SLC7A13: variants seen among roughly 807,000 people sequenced by gnomAD.
The protein encoded by SLC7A13 is solute carrier family 7 member 13.
A neutral mutation model predicts 32.0 loss-of-function variants in SLC7A13; 31 were observed. The observed-to-expected ratio is 0.97, with a 90% CI of 0.73 to 1.31. SLC7A13 has a LOEUF of 1.31. Ranked by LOEUF, SLC7A13 falls within the 50% of genes most tolerant of loss-of-function variation. SLC7A13 has a pLI of 0.00. For missense variants in SLC7A13, 633 were observed against 546.9 expected (o/e 1.16, Z -1.57); for synonymous variants, 232 against 206.9 (o/e 1.12, Z -1.04).
chr8:86,230,133 A>T lies in SLC7A13; in HGVS notation c.145T>A (p.Ser49Thr), dbSNP rs970214966. 6.2e-7 allele frequency: 1 copy of T among 1,614,190 alleles called. No individual in the cohort carries two copies. The highest frequency in any genetic ancestry group is 1.1e-5 in the South Asian group (1 of 91,078). Reference protein sequence around the residue: ...LAYSCMNVGVSLCVWAGCAIL... With the variant: ...LAYSCMNVGVTLCVWAGCAIL... ...GCACAGCCAGCCCAAACGCACAGGGAGACTCCCACGTTCATGCAAGAGTAT... is the reference window on the plus strand; with the variant it reads ...GCACAGCCAGCCCAAACGCACAGGGTGACTCCCACGTTCATGCAAGAGTAT... The change falls in exon 1 of 4, where the codon TCC becomes ACC. Residue 49 changes from serine to threonine, a missense_variant. Ser to Thr is a moderately conservative substitution (Grantham distance 58). Transcript: ENST00000297524.
chr8:86,230,016 A>G lies in SLC7A13; in HGVS notation c.262T>C (p.Phe88Leu), dbSNP rs1169006593. The G allele has an allele frequency of 3.1e-6, 5 of 1,614,192 alleles. No homozygotes were observed. Among genetic ancestry groups the G allele is most frequent in the Non-Finnish European group, 4.2e-6 (5 of 1,180,030 alleles). The change falls in exon 1 of 4, where the codon TTT becomes CTT. Residue 88 changes from phenylalanine to leucine, a missense_variant. Transcript: ENST00000297524. The stretch of plus-strand genomic sequence containing the variant: ...TTCAAAAAAGCAACCGTGGAGCCAA[A>G]GTATCTCTTGAGAAAATAGTATTGA... Reference protein sequence around the residue: ...GAQYYFLKRYFGSTVAFLNLW... With the variant: ...GAQYYFLKRYLGSTVAFLNLW...
intron 1 of SLC7A13, among the ~76,000 whole-genome samples, chr8:86,223,573 T>G (rs1820339937): frequency 6.6e-6 from 1 of 152,036 alleles, no homozygotes; most frequent in Non-Finnish European, 1.5e-5. Context: ...TAAACATGAG[T>G]GCAGATGTCC....
chr8:86,218,044 T>A (rs1041774133), intron 2 of SLC7A13, among the ~76,000 whole-genome samples: 7 of 152,190 alleles, frequency 4.6e-5, no homozygotes, highest in African/African-American at 1.2e-4. Flanking sequence ...TAAATGGTTA[T>A]CATTTTATAT....
intron 2 of SLC7A13, among the ~76,000 whole-genome samples, chr8:86,221,599 G>A (rs143041301): frequency 0.032 from 4,822 of 151,798 alleles, 280 homozygotes; most frequent in African/African-American, 0.11. Flanking sequence ...ATATCTCCCA[G>A]TGCTATCCCT....
chr8:86,225,499 C>T (rs1820375065), intron 1 of SLC7A13, among the ~76,000 whole-genome samples: 1 of 152,134 alleles, frequency 6.6e-6, no homozygotes, highest in African/African-American at 2.4e-5. Context: ...GTTCTTTCTT[C>T]TGAGCCTTTT....
Position 86,215,536 on chromosome 8 carries a change from G to A in SLC7A13, c.1180-890C>T, listed in dbSNP as rs186868530. 5.8e-4 allele frequency: 184 copies of A among 315,018 alleles called. 1 individual carries two copies. Among genetic ancestry groups the A allele is most frequent in the African/African-American group, 3.8e-3 (166 of 43,706 alleles). The allele number at this position is 315,018 out of a possible 1,614,324, so 19.5% of individuals were successfully genotyped here. On this transcript the variant is annotated intron_variant, in intron 3 of 3. Transcript: ENST00000297524. ...CACCGTCTCTACTAAAATTACAAAAGTTAGCTGGGTGTGGTGGCAGGCACC... is the reference window on the plus strand; with the variant it reads ...CACCGTCTCTACTAAAATTACAAAAATTAGCTGGGTGTGGTGGCAGGCACC...
Position 86,223,024 on chromosome 8 carries a change from C to T in SLC7A13, c.765G>A (p.Leu255=), listed in dbSNP as rs1586147261. 2 of 1,608,470 alleles carry T rather than the reference C, an allele frequency of 1.2e-6. No individual in the cohort carries two copies. Among genetic ancestry groups the T allele is most frequent in the East Asian group, 4.5e-5 (2 of 44,546 alleles). ...ALPLVTVVYL[L]VNISYLTVLT... ...GAACAGTCAGATAGGAAATGTTAAC[C>T]AGTAAATAAACTACAGTCACCAGAG... Residue 255 remains leucine, a synonymous_variant, in exon 2 of 4, where the codon CTG becomes CTA. Transcript: ENST00000297524.
intron 2 of SLC7A13, among the ~76,000 whole-genome samples, chr8:86,218,112 A>G (rs1013052676): frequency 2.2e-4 from 33 of 152,176 alleles, no homozygotes; most frequent in Admixed American, 2.0e-3. Flanking sequence ...TTTATTTTCT[A>G]TAAAACTAGT....
At position 86,229,731 on chromosome 8, in the gene SLC7A13, T is replaced by A. The variant is rs758689854; in HGVS notation, c.547A>T (p.Ile183Leu). The stretch of plus-strand genomic sequence containing the variant: ...TCTACATTCTCCTTTTTCCCTCTTA[T>A]CAGGAACACTACTCCAGTTAGGGAA... ...FISLTGVVFL[I>L]RGKKENVERF... Residue 183 changes from isoleucine to leucine, a missense_variant, in exon 1 of 4, where the codon ATA (isoleucine) becomes TTA (leucine). Ile to Leu is a conservative substitution (Grantham distance 5, BLOSUM62 2). Transcript: ENST00000297524. 4 of 1,614,158 alleles carry A rather than the reference T, an allele frequency of 2.5e-6. No individual in the cohort carries two copies. In the South Asian group the frequency reaches 4.4e-5, roughly 18 times the overall value.
chr8:86,229,542 T>C, intron 1 of SLC7A13, 51 bp downstream of exon 1: 1 of 1,399,582 alleles, frequency 7.1e-7, no homozygotes, highest in Non-Finnish European at 9.8e-7. Context: ...GCATTTCATA[T>C]TGTATGCAAT....
intron 2 of SLC7A13, 98 bp from the exon 3 acceptor site, chr8:86,217,929 A>G: frequency 1.6e-6 from 2 of 1,270,380 alleles, no homozygotes; most frequent in Non-Finnish European, 2.1e-6. Context: ...CAGAAACTTA[A>G]GTAATTAATA....
At chr8:86,217,972 C>A in intron 2 of SLC7A13, 141 bp from the exon 3 acceptor site, 2 of 924,486 alleles carry the variant, frequency 2.2e-6, no homozygotes. Context: ...TCATTTATTT[C>A]CTTAGTTACA....
chr8:86,216,611 A>G (rs1237708042), intron 3 of SLC7A13, among the ~76,000 whole-genome samples: 1 of 152,182 alleles, frequency 6.6e-6, no homozygotes, highest in Non-Finnish European at 1.5e-5. Flanking sequence ...TGATGAGAAC[A>G]TTGCTTTCTT....
chr8:86,220,351 C>T (rs1400883830), intron 2 of SLC7A13, among the ~76,000 whole-genome samples: 1 of 152,098 alleles, frequency 6.6e-6, no homozygotes, highest in Non-Finnish European at 1.5e-5. Flanking sequence ...CATTTCCATA[C>T]ACCTTTTTCT....
Position 86,230,218 on chromosome 8 carries a change from A to T in SLC7A13, c.60T>A (p.Ser20Arg), listed in dbSNP as rs779123267. ...KRVFGYWWGTSFLLINIIGAG... is the reference protein window; with the variant it reads ...KRVFGYWWGTRFLLINIIGAG... ...CACCAATGATATTAATAAGCAAAAA[A>T]CTTGTGCCCCACCAATATCCAAACA... The change falls in exon 1 of 4, where the codon AGT becomes AGA. Residue 20 changes from serine to arginine, a missense_variant. By Grantham distance (110) the Ser-to-Arg change is moderately radical. Coordinates refer to ENST00000297524, the MANE Select transcript of SLC7A13 (RefSeq NM_138817.3). 9.3e-6 allele frequency: 15 copies of T among 1,613,466 alleles called. No homozygotes were observed. Among genetic ancestry groups the T allele is most frequent in the African/African-American group, 4.0e-5 (3 of 74,854 alleles).
At position 86,227,632 on chromosome 8, in the gene SLC7A13, G is replaced by A. The variant is rs189836760; in HGVS notation, c.685+1961C>T. 3.1e-4 allele frequency among the ~76,000 whole-genome samples: 47 copies of A among 152,228 alleles called. No individual in the cohort carries two copies. The East Asian group carries it at 6.9e-3, about 23-fold the overall frequency. On this transcript the variant is annotated intron_variant, in intron 1 of 3. Transcript: ENST00000297524. The stretch of plus-strand genomic sequence containing the variant: ...AAATTGTTATATCAAAAAGACTTCC[G>A]CACTTGCATGTTTATTGCAGCACTG...
At chr8:86,215,646 A>G in intron 3 of SLC7A13, 1 of 442,556 alleles carries the variant, frequency 2.3e-6, no homozygotes, top group South Asian at 1.6e-5. Context: ...AGATCATGCC[A>G]CTGCACTCCA....
At chr8:86,227,543 A>G (rs1050952703) in intron 1 of SLC7A13, among the ~76,000 whole-genome samples, 8 of 152,190 alleles carry the variant, frequency 5.3e-5, no homozygotes, top group Non-Finnish European at 1.2e-4. Context: ...CCTACAAAGA[A>G]CAAAAAACAG....
rs749981836 is a variant in SLC7A13, at chr8:86,214,486, G to C, written c.1340C>G (p.Ala447Gly). Reference protein sequence around the residue: ...IPLIHFKIRLAWFEKMTCYLQ... With the variant: ...IPLIHFKIRLGWFEKMTCYLQ... ...ATAGCAAGTCATCTTCTCAAACCAA[G>C]CCAATCTTATTTTAAAATGTATTAA... The change falls in exon 4 of 4, where the codon GCT (alanine) becomes GGT (glycine). Residue 447 changes from alanine to glycine, a missense_variant. By Grantham distance (60) the Ala-to-Gly change is moderately conservative. Coordinates refer to ENST00000297524, the MANE Select transcript of SLC7A13 (RefSeq NM_138817.3). 6.2e-7 allele frequency: 1 copy of C among 1,612,396 alleles called. No homozygotes were observed. The highest frequency in any genetic ancestry group is 1.7e-5 in the Admixed American group (1 of 59,968).
Sources: gnomAD v4.1 joint callset for allele counts (sites outside exome capture counted in the v4.1 genomes callset) on GRCh38, gnomAD v4.1.1 for gene constraint, MANE v1.5 for transcripts, NCBI Gene and HGNC (gene_info 2026-07-23, HGNC 2026-07-21) for gene names.